Variants in CALN1 observed in about 807,000 individuals in gnomAD.
CALN1 encodes calcium-binding protein 8.
Under a neutral mutation model 30.6 loss-of-function variants are expected in CALN1, and 17 were observed. That is an observed-to-expected ratio of 0.56 (90% CI 0.38 to 0.83). CALN1 has a LOEUF of 0.83. Among genes scored for constraint, CALN1 ranks in the 40% least tolerant of loss-of-function variants. The pLI, the probability that CALN1 is intolerant of heterozygous loss-of-function variation, is 0.00. For synonymous variants in CALN1, 156 were observed against 131.4 expected (o/e 1.19, Z -1.28); for missense variants, 291 against 354.9 (o/e 0.82, Z 1.45).
chr7:72,033,206 C>G (rs1483521956), intron 4 of CALN1, among the ~76,000 whole-genome samples: 1 of 152,160 alleles, frequency 6.6e-6, no homozygotes, highest in Non-Finnish European at 1.5e-5. Context: ...GGGCAGGAAG[C>G]TGCAGGAGTG....
At position 71,780,679 on chromosome 7, in the gene CALN1, G is replaced by A. The variant is rs1792669306; in HGVS notation, c.*7096C>T. On this transcript the variant is annotated 3_prime_UTR_variant, in exon 7 of 7. Coordinates refer to ENST00000395275, the MANE Select transcript of CALN1 (RefSeq NM_031468.4). ...AAGCTACTATCAACATATACTGGAA[G>A]TGCTGTTATAGTGGCCAGAAAAAAA... 1 of 151,676 alleles carries A rather than the reference G, an allele frequency of 6.6e-6. No homozygotes were observed. The highest frequency in any genetic ancestry group is 2.1e-4 in the South Asian group (1 of 4,812). 9.4% of individuals were successfully genotyped at this position (151,676 alleles called of 1,614,324 possible). A position where few individuals can be genotyped will look rare whatever the true frequency, so the allele number is the denominator to read the frequency against.
At chr7:72,250,361 C>T (rs2129551993) in intron 3 of CALN1, among the ~76,000 whole-genome samples, 1 of 152,294 alleles carries the variant, frequency 6.6e-6, no homozygotes, top group Middle Eastern at 3.4e-3. Flanking sequence ...TTAGCATTCT[C>T]ATCTGGAAAT....
chr7:72,059,890 G>A (rs565949187), intron 4 of CALN1, among the ~76,000 whole-genome samples: 1 of 152,308 alleles, frequency 6.6e-6, no homozygotes, highest in Non-Finnish European at 1.5e-5. Flanking sequence ...GGCAGCTGTG[G>A]AACATGCAGA....
intron 5 of CALN1, among the ~76,000 whole-genome samples, chr7:71,884,173 A>G (rs574641138): frequency 6.6e-6 from 1 of 152,194 alleles, no homozygotes; most frequent in Admixed American, 6.5e-5. Context: ...TCGGCCTCCC[A>G]AAGTGCTGGG....
chr7:72,332,326 A>G (rs2129558169), intron 2 of CALN1, among the ~76,000 whole-genome samples: 1 of 152,044 alleles, frequency 6.6e-6, no homozygotes, highest in East Asian at 1.9e-4. Context: ...AATTTCTAGA[A>G]ATAGGGTGGT....
intron 2 of CALN1, among the ~76,000 whole-genome samples, chr7:72,378,911 G>C (rs1010252128): frequency 6.6e-5 from 10 of 152,086 alleles, no homozygotes; most frequent in African/African-American, 2.4e-4. Context: ...AGCCAGGAAT[G>C]AATGTTGGAT....
the CALN1 span, among the ~76,000 whole-genome samples, chr7:72,491,378 G>A: frequency 6.6e-6 from 1 of 152,168 alleles, no homozygotes; most frequent in African/African-American, 2.4e-5. Flanking sequence ...AGAGCAGCCT[G>A]GGCAACAGAG....
intron 4 of CALN1, among the ~76,000 whole-genome samples, chr7:72,090,981 T>C (rs2129539752): frequency 6.6e-6 from 1 of 152,088 alleles, no homozygotes; most frequent in Non-Finnish European, 1.5e-5. Context: ...ATACAGTTAT[T>C]GAGAAGGAAT....
chr7:71,827,389 T>C (rs1168779922), intron 5 of CALN1, among the ~76,000 whole-genome samples: 1 of 152,102 alleles, frequency 6.6e-6, no homozygotes, highest in African/African-American at 2.4e-5. Context: ...TTAAGTCTCA[T>C]GGAGGAAGCA....
upstream of CALN1, among the ~76,000 whole-genome samples, chr7:72,450,422 T>C (rs1808636904): frequency 6.6e-6 from 1 of 152,138 alleles, no homozygotes; most frequent in Admixed American, 6.6e-5. Context: ...CAGCGCCCAG[T>C]GGGCCATCTC....
chr7:71,823,289 C>A (rs919097678), intron 5 of CALN1, among the ~76,000 whole-genome samples: 1 of 151,978 alleles, frequency 6.6e-6, no homozygotes, highest in Admixed American at 6.6e-5. Flanking sequence ...CTAAAGTGAT[C>A]CTCCTGTGTA....
intron 6 of CALN1, among the ~76,000 whole-genome samples, chr7:71,809,464 CAA>C (rs10682965): frequency 5.5e-5 from 6 of 108,370 alleles, no homozygotes; most frequent in Admixed American, 1.2e-4. Context: ...TTTAAATGTT[CAA>C]AAAAAAAAAA....
chr7:71,867,355 AC>A (rs1157888896), intron 5 of CALN1, among the ~76,000 whole-genome samples: 2 of 152,144 alleles, frequency 1.3e-5, no homozygotes, highest in African/African-American at 4.8e-5. Flanking sequence ...ACATCAACCC[AC>A]CAGAATTTGA....
At chr7:72,066,000 C>T (rs1426511521) in intron 4 of CALN1, among the ~76,000 whole-genome samples, 1 of 152,236 alleles carries the variant, frequency 6.6e-6, no homozygotes, top group Admixed American at 6.5e-5. Context: ...GTAAAATTCG[C>T]ATTATTGATA....
intron 3 of CALN1, among the ~76,000 whole-genome samples, chr7:72,158,412 C>T (rs779336602): frequency 3.3e-5 from 5 of 152,170 alleles, no homozygotes; most frequent in Non-Finnish European, 5.9e-5. Context: ...TATTGAATGC[C>T]TCCCCCAAAA....
chr7:72,363,350 G>A (rs779381465), intron 2 of CALN1, among the ~76,000 whole-genome samples: 2 of 151,580 alleles, frequency 1.3e-5, no homozygotes, highest in Non-Finnish European at 2.9e-5. Context: ...TCGATTCTCC[G>A]GCCTCAGCCT....
chr7:72,398,867 A>AC (rs1313763378), intron 2 of CALN1, among the ~76,000 whole-genome samples: 1 of 152,126 alleles, frequency 6.6e-6, no homozygotes, highest in Non-Finnish European at 1.5e-5. Context: ...CATCGATCAC[A>AC]CCCAACCCTT....
intron 3 of CALN1, among the ~76,000 whole-genome samples, chr7:72,269,017 T>C (rs1368883173): frequency 2.0e-5 from 3 of 152,092 alleles, no homozygotes; most frequent in African/African-American, 7.2e-5. Flanking sequence ...ACAAGCCCCA[T>C]GCTCGCCCTG....
At chr7:71,907,993 G>C (rs914688358) in intron 5 of CALN1, among the ~76,000 whole-genome samples, 1 of 152,242 alleles carries the variant, frequency 6.6e-6, no homozygotes, top group South Asian at 2.1e-4. Flanking sequence ...CTGCTCTTTT[G>C]AATCAGAAAT....
Sources: gnomAD v4.1 joint callset for allele counts (sites outside exome capture counted in the v4.1 genomes callset) on GRCh38, gnomAD v4.1.1 for gene constraint, MANE v1.5 for transcripts, NCBI Gene and HGNC (gene_info 2026-07-23, HGNC 2026-07-21) for gene names.